Variants in KIAA1549L observed in about 807,000 individuals in gnomAD.
KIAA1549L encodes the protein KIAA1549 like.
In KIAA1549L, 88 loss-of-function variants were observed where a neutral mutation model predicts 160.7. That is an observed-to-expected ratio of 0.55 (90% confidence interval 0.46 to 0.65). The LOEUF (loss-of-function observed/expected upper bound fraction) is 0.65, where lower values mean the gene tolerates loss of function less well. KIAA1549L is among the 30% of genes least tolerant of loss of function. The pLI is 0.00. For synonymous variants in KIAA1549L, 950 were observed against 976.7 expected, an observed-to-expected ratio of 0.97 and a Z score of 0.51; for missense variants, 2,258 against 2,437.5, an observed-to-expected ratio of 0.93 and a Z score of 1.55.
chr11:33,473,107 T>C (rs781480198), intron 1 of KIAA1549L, among the ~76,000 whole-genome samples: 10 of 152,240 alleles, frequency 6.6e-5, no homozygotes, highest in Non-Finnish European at 1.3e-4. Context: ...CAGACTTGGA[T>C]GGCTGTGGCT....
intron 10 of KIAA1549L, 83 bp downstream of exon 10, chr11:33,574,956 T>G (rs1855397573): frequency 4.2e-6 from 5 of 1,190,208 alleles, no homozygotes; most frequent in Admixed American, 1.8e-5. Context: ...AAAATCATGT[T>G]AATGGTCTCA....
chr11:33,609,612 G>T, intron 14 of KIAA1549L, 137 bp from the exon 15 acceptor site: 1 of 656,562 alleles, frequency 1.5e-6, no homozygotes, highest in South Asian at 1.8e-5. Flanking sequence ...ATGGGATGCA[G>T]GTGGGCCTGG....
chr11:33,457,891 G>A (rs2132989678), intron 1 of KIAA1549L, among the ~76,000 whole-genome samples: 1 of 152,270 alleles, frequency 6.6e-6, no homozygotes, highest in South Asian at 2.1e-4. Flanking sequence ...AGGACCAAGG[G>A]GCCAGGCCCA....
chr11:33,457,878 C>T (rs933961133), intron 1 of KIAA1549L, among the ~76,000 whole-genome samples: 6 of 152,146 alleles, frequency 3.9e-5, no homozygotes, highest in South Asian at 2.1e-4. Context: ...ACAGGAGATA[C>T]GCAGGACCAA....
intron 18 of KIAA1549L, among the ~76,000 whole-genome samples, chr11:33,658,088 C>T (rs994030691): frequency 5.3e-5 from 8 of 152,246 alleles, no homozygotes; most frequent in African/African-American, 1.7e-4. Flanking sequence ...GAGATGCCCA[C>T]GTCTACAGAG....
chr11:33,628,902 A>C (rs1032257087), intron 16 of KIAA1549L, among the ~76,000 whole-genome samples: 8 of 151,566 alleles, frequency 5.3e-5, no homozygotes, highest in Non-Finnish European at 1.0e-4. Context: ...ACATTTTGGC[A>C]TGATTTTGCA....
chr11:33,489,669 G>A (rs951902291), intron 1 of KIAA1549L, among the ~76,000 whole-genome samples: 1 of 152,196 alleles, frequency 6.6e-6, no homozygotes, highest in African/African-American at 2.4e-5. Context: ...GGATTCAAAT[G>A]GGCAAAAGGA....
At chr11:33,399,677 T>C (rs192548068) in intron 1 of KIAA1549L, among the ~76,000 whole-genome samples, 248 of 152,372 alleles carry the variant, frequency 1.6e-3, no homozygotes, top group Non-Finnish European at 2.5e-3. Flanking sequence ...AGGGTTTATT[T>C]TGGCTTTGCA....
intron 11 of KIAA1549L, among the ~76,000 whole-genome samples, chr11:33,584,405 C>T (rs1480963313): frequency 2.0e-5 from 3 of 152,216 alleles, no homozygotes; most frequent in Non-Finnish European, 2.9e-5. Context: ...AGTGGCTCCA[C>T]TGAAGCCTGT....
rs149501014 is a variant in KIAA1549L, at chr11:33,666,517, C to G, written c.6160-1356C>G. Among the ~76,000 whole-genome samples the G allele has an allele frequency of 1.2e-3, 179 of 152,322 alleles. 3 individuals are homozygous for G. The highest frequency in any genetic ancestry group is 4.0e-3 in the African/African-American group (165 of 41,570). On this transcript the variant is annotated intron_variant, in intron 20 of 20. Transcript: ENST00000658780. ...TCATTCGCCATAGCACCCTGTGCCT[C>G]TGTTGTCTGTGGGTGCTTATTCTAT...
intron 1 of KIAA1549L, among the ~76,000 whole-genome samples, chr11:33,477,055 A>C (rs2133039276): frequency 6.6e-6 from 1 of 152,326 alleles, no homozygotes; most frequent in Non-Finnish European, 1.5e-5. Flanking sequence ...CCCCAGACTG[A>C]AGTTCTGGCA....
intron 16 of KIAA1549L, among the ~76,000 whole-genome samples, chr11:33,640,161 ATATATG>A (rs1851547145): frequency 6.6e-6 from 1 of 152,154 alleles, no homozygotes; most frequent in African/African-American, 2.4e-5. Context: ...ATGCCTACAT[ATATATG>A]TATATGTGTG....
At chr11:33,471,285 C>T (rs1385902106) in intron 1 of KIAA1549L, among the ~76,000 whole-genome samples, 3 of 151,730 alleles carry the variant, frequency 2.0e-5, no homozygotes, top group Non-Finnish European at 4.4e-5. Flanking sequence ...GTCTCTAGCA[C>T]CTGCTTCTGG....
intron 12 of KIAA1549L, 52 bp from the exon 13 acceptor site, chr11:33,598,768 G>A (rs1310116604): frequency 3.1e-6 from 5 of 1,607,348 alleles, no homozygotes; most frequent in East Asian, 4.5e-5. Context: ...CTTGAGAGGC[G>A]GCTGCTCTAG....
chr11:33,503,140 A>G (rs1192612894), intron 1 of KIAA1549L, among the ~76,000 whole-genome samples: 1 of 152,172 alleles, frequency 6.6e-6, no homozygotes, highest in African/African-American at 2.4e-5. Context: ...TCAACTTACC[A>G]TAGATATGTT....
In KIAA1549L at chr11:33,640,270, A is replaced by G. The variant is rs1184273384; in HGVS notation, c.5410-5416A>G. Among the ~76,000 whole-genome samples the G allele has an allele frequency of 2.6e-5, 4 of 152,236 alleles. No individual in the cohort carries two copies. In the East Asian group the frequency reaches 7.7e-4, roughly 29 times the overall value. ...CTCTGCCAACAAAAGTAATTTTAAA[A>G]TACCTCTACTCCTTTACTTATATTT... On this transcript the variant is annotated intron_variant, in intron 16 of 20. Coordinates refer to ENST00000658780, the MANE Select transcript of KIAA1549L (RefSeq NM_012194.3).
At chr11:33,605,783 G>A (rs1003539973) in intron 13 of KIAA1549L, among the ~76,000 whole-genome samples, 1 of 152,144 alleles carries the variant, frequency 6.6e-6, no homozygotes, top group Non-Finnish European at 1.5e-5. Context: ...TAGGCTTAAT[G>A]TATCTCTTGC....
chr11:33,488,209 G>A (rs1217797798), intron 1 of KIAA1549L, among the ~76,000 whole-genome samples: 1 of 152,134 alleles, frequency 6.6e-6, no homozygotes, highest in Admixed American at 6.5e-5. Flanking sequence ...CAAACTCAAA[G>A]GCAGTGTTAA....
At chr11:33,458,699 A>G (rs1173222608) in intron 1 of KIAA1549L, among the ~76,000 whole-genome samples, 1 of 152,212 alleles carries the variant, frequency 6.6e-6, no homozygotes, top group African/African-American at 2.4e-5. Flanking sequence ...GAAATGGGAA[A>G]AGAGGGTGAT....
Sources: allele counts gnomAD v4.1 joint callset (sites outside exome capture counted in the v4.1 genomes callset), GRCh38; gene constraint gnomAD v4.1.1; transcripts MANE v1.5; gene names NCBI Gene and HGNC (gene_info 2026-07-23, HGNC 2026-07-21).